The following KCNMB2 variants were observed in gnomAD, a reference collection of about 807,000 sequenced individuals.
KCNMB2 encodes the protein calcium-activated potassium channel subunit beta-2.
A neutral mutation model predicts 24.5 loss-of-function variants in KCNMB2; 9 were observed. The observed-to-expected ratio is 0.37, with a 90% confidence interval of 0.22 to 0.64. The LOEUF (loss-of-function observed/expected upper bound fraction) is 0.64. KCNMB2 is among the 30% of genes least tolerant of loss of function. The pLI is 0.63. For synonymous variants in KCNMB2, 109 were observed against 104.4 expected, an observed-to-expected ratio of 1.04 and a Z score of -0.27; for missense variants, 226 against 284.3, an observed-to-expected ratio of 0.79 and a Z score of 1.47.
intron 1 of KCNMB2, among the ~76,000 whole-genome samples, chr3:178,710,619 C>G (rs1722420513): frequency 6.6e-6 from 1 of 151,980 alleles, no homozygotes; most frequent in African/African-American, 2.4e-5. Context: ...TTCCCCCACT[C>G]ATATGTGTAT....
chr3:178,685,099 C>T (rs1721419440), intron 1 of KCNMB2, among the ~76,000 whole-genome samples: 2 of 128,238 alleles, frequency 1.6e-5, no homozygotes, highest in African/African-American at 5.4e-5. Context: ...GCCTACCCAA[C>T]TCCACCTGGG....
At chr3:178,701,248 T>C (rs940833386) in intron 1 of KCNMB2, among the ~76,000 whole-genome samples, 2 of 152,210 alleles carry the variant, frequency 1.3e-5, no homozygotes, top group African/African-American at 4.8e-5. Flanking sequence ...GTCAGGTTTG[T>C]CAAAGATGAG....
At chr3:178,703,824 T>C (rs1425561827) in intron 1 of KCNMB2, among the ~76,000 whole-genome samples, 1 of 152,150 alleles carries the variant, frequency 6.6e-6, no homozygotes, top group Admixed American at 6.5e-5. Context: ...AAACAGTGAG[T>C]AATCAAAAGG....
At chr3:178,760,494 T>C (rs1711800633) in intron 1 of KCNMB2, among the ~76,000 whole-genome samples, 1 of 121,446 alleles carries the variant, frequency 8.2e-6, no homozygotes, top group South Asian at 2.5e-4. Flanking sequence ...ATATAATGTA[T>C]CTCCAAGAGT....
intron 1 of KCNMB2, among the ~76,000 whole-genome samples, chr3:178,721,135 T>G (rs990662469): frequency 1.3e-5 from 2 of 152,232 alleles, no homozygotes; most frequent in African/African-American, 4.8e-5. Flanking sequence ...TTAATCTACC[T>G]TGAATTAATT....
At chr3:178,672,882 C>T (rs1720951419) in intron 1 of KCNMB2, among the ~76,000 whole-genome samples, 1 of 152,164 alleles carries the variant, frequency 6.6e-6, no homozygotes. Context: ...TACCTCCAGG[C>T]TTGTCCTCCA....
chr3:178,811,066 C>G (rs540430163), intron 2 of KCNMB2, among the ~76,000 whole-genome samples: 1 of 152,132 alleles, frequency 6.6e-6, no homozygotes, highest in South Asian at 2.1e-4. Flanking sequence ...CCCTAAATTT[C>G]AAGCAGCAAA....
At chr3:178,630,577 T>C (rs949519468) in intron 1 of KCNMB2, among the ~76,000 whole-genome samples, 2 of 152,260 alleles carry the variant, frequency 1.3e-5, no homozygotes, top group Non-Finnish European at 2.9e-5. Flanking sequence ...AAAATGGTTG[T>C]GCCAGTTTCT....
At chr3:178,841,478 C>T (rs1289818570) in intron 4 of KCNMB2, 1 of 152,152 alleles carries the variant, frequency 6.6e-6, no homozygotes, top group Non-Finnish European at 1.5e-5. Context: ...AGCCTATTTT[C>T]ACACTGTTAT....
intron 1 of KCNMB2, among the ~76,000 whole-genome samples, chr3:178,663,903 G>A (rs1720623087): frequency 6.6e-6 from 1 of 152,098 alleles, no homozygotes; most frequent in Non-Finnish European, 1.5e-5. Context: ...CTGGTGGCAA[G>A]AAGACTAATC....
At chr3:178,796,640 T>C (rs1046257293) in intron 1 of KCNMB2, among the ~76,000 whole-genome samples, 10 of 152,138 alleles carry the variant, frequency 6.6e-5, no homozygotes, top group Non-Finnish European at 5.9e-5. Context: ...TTAAACAATA[T>C]GCTCCTGAAT....
At chr3:178,688,599 G>T (rs563061742) in intron 1 of KCNMB2, among the ~76,000 whole-genome samples, 1 of 152,230 alleles carries the variant, frequency 6.6e-6, no homozygotes, top group South Asian at 2.1e-4. Flanking sequence ...CCAGAGGCCT[G>T]AAATGGTTTT....
chr3:178,581,523 T>C (rs530058052), intron 1 of KCNMB2, among the ~76,000 whole-genome samples: 6 of 152,280 alleles, frequency 3.9e-5, no homozygotes, highest in African/African-American at 1.4e-4. Flanking sequence ...AAATGGGATC[T>C]AATTAAACTA....
At chr3:178,573,472 G>A (rs13318409) in intron 1 of KCNMB2, among the ~76,000 whole-genome samples, 80,233 of 151,740 alleles carry the variant, frequency 0.53, 22,711 homozygotes, top group African/African-American at 0.75. Flanking sequence ...TACAGTGGGG[G>A]CTCATGCCTA....
intron 1 of KCNMB2, among the ~76,000 whole-genome samples, chr3:178,758,265 GAT>G (rs374718936): frequency 6.8e-4 from 6 of 8,804 alleles, no homozygotes; most frequent in East Asian, 2.6e-3. Context: ...TCTCCAAGGG[GAT>G]ATATATATAT....
At chr3:178,655,910 T>C (rs1720325580) in intron 1 of KCNMB2, among the ~76,000 whole-genome samples, 1 of 152,190 alleles carries the variant, frequency 6.6e-6, no homozygotes, top group African/African-American at 2.4e-5. Flanking sequence ...GAGATCTGTA[T>C]CACAGTAACT....
chr3:178,650,715 T>A (rs1037805147), intron 1 of KCNMB2, among the ~76,000 whole-genome samples: 1 of 152,106 alleles, frequency 6.6e-6, no homozygotes, highest in Non-Finnish European at 1.5e-5. Flanking sequence ...TCCACCGTGA[T>A]CACGTTGCTT....
chr3:178,603,274 C>A (rs1422154299), intron 1 of KCNMB2, among the ~76,000 whole-genome samples: 1 of 151,896 alleles, frequency 6.6e-6, no homozygotes, highest in Non-Finnish European at 1.5e-5. Flanking sequence ...CAGATTTACA[C>A]AAAGCAGGTA....
At chr3:178,733,157 T>C (rs1723206994) in intron 1 of KCNMB2, among the ~76,000 whole-genome samples, 1 of 152,210 alleles carries the variant, frequency 6.6e-6, no homozygotes, top group African/African-American at 2.4e-5. Flanking sequence ...TCAGTTAAGA[T>C]GGGCAGGTGA....
Sources: gnomAD v4.1 joint callset for allele counts (sites outside exome capture counted in the v4.1 genomes callset) on GRCh38, gnomAD v4.1.1 for gene constraint, MANE v1.5 for transcripts, NCBI Gene and HGNC (gene_info 2026-07-23, HGNC 2026-07-21) for gene names.